Variants in AS3MT observed in about 807,000 individuals in gnomAD.
AS3MT encodes the protein S-adenosyl-L-methionine:arsenic(III) methyltransferase.
Under a neutral mutation model 45.3 loss-of-function variants are expected in AS3MT, and 47 were observed. The observed-to-expected ratio is 1.04, with a 90% CI of 0.82 to 1.32. The LOEUF (loss-of-function observed/expected upper bound fraction) is 1.32. Among genes scored for constraint, AS3MT ranks in the 40% most tolerant of loss-of-function variants. AS3MT has a pLI of 0.00. For missense variants in AS3MT, 396 were observed against 451.1 expected (o/e 0.88, Z 1.11); for synonymous variants, 141 against 152.8 (o/e 0.92, Z 0.57).
In AS3MT at chr10:102,885,155, G is replaced by A. The variant is rs139327758; in HGVS notation, c.886-5389G>A. ...CTTCATCCTCCCCACTCTACCTGGCGTCTGGTAACCACCAATCTACTCTCT... is the reference window on the plus strand; with the variant it reads ...CTTCATCCTCCCCACTCTACCTGGCATCTGGTAACCACCAATCTACTCTCT... On this transcript the variant is annotated intron_variant, in intron 9 of 10. Transcript: ENST00000369880. 5.4e-3 allele frequency among the ~76,000 whole-genome samples: 818 copies of A among 152,010 alleles called. 17 individuals carry two copies. The highest frequency in any genetic ancestry group is 8.7e-3 in the East Asian group (45 of 5,170).
intron 9 of AS3MT, among the ~76,000 whole-genome samples, chr10:102,886,502 T>C (rs1421690926): frequency 6.6e-6 from 1 of 152,020 alleles, no homozygotes; most frequent in East Asian, 1.9e-4. Context: ...TTTTTTTGTA[T>C]TTTTAGTAGA....
At chr10:102,873,323 C>T (rs1421281390) in intron 5 of AS3MT, 90 bp downstream of exon 5, 2 of 1,078,082 alleles carry the variant, frequency 1.9e-6, no homozygotes, top group East Asian at 3.2e-5. Context: ...CTCTGTCACC[C>T]AGGCCAGAGT....
At chr10:102,889,626 T>TCCTTCCTTCCTC (rs1845028823) in intron 9 of AS3MT, among the ~76,000 whole-genome samples, 1 of 105,758 alleles carries the variant, frequency 9.5e-6, no homozygotes, top group Non-Finnish European at 2.1e-5. Context: ...CTTCCTTCCT[T>TCCTTCCTTCCTC]CCTTCCTTCC....
intron 9 of AS3MT, among the ~76,000 whole-genome samples, chr10:102,879,630 G>T (rs187598077): frequency 1.3e-5 from 2 of 151,738 alleles, no homozygotes; most frequent in Non-Finnish European, 2.9e-5. Flanking sequence ...TTAGCCGGGC[G>T]TGGTGGTGGG....
At chr10:102,899,928 A>C (rs1428104767) in intron 10 of AS3MT, among the ~76,000 whole-genome samples, 1 of 152,060 alleles carries the variant, frequency 6.6e-6, no homozygotes, top group Non-Finnish European at 1.5e-5. Flanking sequence ...CGGCCTCTCA[A>C]AGTGCTGGGA....
At chr10:102,897,448 A>G (rs1845195322) in intron 10 of AS3MT, among the ~76,000 whole-genome samples, 1 of 150,504 alleles carries the variant, frequency 6.6e-6, no homozygotes, top group African/African-American at 2.4e-5. Flanking sequence ...TCCTCGAGCT[A>G]CAGTATTTTC....
rs1459549351 is a variant in AS3MT at position 102,894,422 on chromosome 10, CAAAAAATAAA to C, written c.1020+3759_1020+3768del. 4.5e-5 allele frequency among the ~76,000 whole-genome samples: 6 copies of C among 134,566 alleles called. No homozygotes were observed. In the Admixed American group the frequency reaches 4.5e-4, roughly 10 times the overall value. 88.3% of individuals were successfully genotyped at this position (134,566 alleles called of 152,430 possible). On this transcript the variant is annotated intron_variant, in intron 10 of 10. Coordinates refer to ENST00000369880, the MANE Select transcript of AS3MT (RefSeq NM_020682.4). Reference sequence around the variant, plus strand: ...TGGGCGACAGAGCGAGACTCCATCTCAAAAAATAAAAAAAAATAAAAAAATAAAAAAATAA... The same window carrying C: ...TGGGCGACAGAGCGAGACTCCATCTCAAAAAATAAAAAAATAAAAAAATAA...
Position 102,870,192 on chromosome 10 carries a change from C to A in AS3MT, c.151C>A (p.His51Asn), listed in dbSNP as rs527650795. 6.2e-7 allele frequency: 1 copy of A among 1,614,188 alleles called. No homozygotes were observed. The highest frequency in any genetic ancestry group is 1.1e-5 in the South Asian group (1 of 91,086). ...CATCCGGGAAGCCTTGCAAAATGTACACGAAGAAGTAGCCCTAAGGTAGAG... is the reference window on the plus strand; with the variant it reads ...CATCCGGGAAGCCTTGCAAAATGTAAACGAAGAAGTAGCCCTAAGGTAGAG... ...KHIREALQNVHEEVALRYYGC... is the reference protein window; with the variant it reads ...KHIREALQNVNEEVALRYYGC... Residue 51 changes from histidine to asparagine, a missense_variant, in exon 3 of 11, where the codon CAC (histidine) becomes AAC (asparagine). Coordinates refer to ENST00000369880, the MANE Select transcript of AS3MT (RefSeq NM_020682.4).
At chr10:102,892,861 T>A (rs981620598) in intron 10 of AS3MT, among the ~76,000 whole-genome samples, 1 of 151,902 alleles carries the variant, frequency 6.6e-6, no homozygotes, top group African/African-American at 2.4e-5. Flanking sequence ...GCGCCTGTAG[T>A]CCCAGCTACT....
chr10:102,872,731 T>C (rs1844713818), intron 4 of AS3MT, 133 bp downstream of exon 4: 6 of 971,550 alleles, frequency 6.2e-6, no homozygotes, highest in African/African-American at 1.6e-5. Flanking sequence ...TTTGTGCCAC[T>C]AGTGCTTCCT....
chr10:102,872,475 T>C lies in AS3MT; in HGVS notation c.198T>C (p.Pro66=). The C allele has an allele frequency of 6.2e-7, 1 of 1,614,128 alleles. No individual in the cohort carries two copies. Among genetic ancestry groups the C allele is most frequent in the South Asian group, 1.1e-5 (1 of 91,064 alleles). The change falls in exon 4 of 11, where the codon CCT becomes CCC. Residue 66 remains proline (P), a synonymous_variant. Coordinates refer to ENST00000369880, the MANE Select transcript of AS3MT (RefSeq NM_020682.4). ...LRYYGCGLVI[P]EHLENCWILD... Reference sequence around the variant, plus strand: ...ATTATGGCTGTGGTCTGGTGATCCCTGAGCATCTAGAAAACTGCTGGATTT... The same window carrying C: ...ATTATGGCTGTGGTCTGGTGATCCCCGAGCATCTAGAAAACTGCTGGATTT...
At chr10:102,870,721 A>G (rs1279411845) in intron 3 of AS3MT, among the ~76,000 whole-genome samples, 1 of 151,946 alleles carries the variant, frequency 6.6e-6, no homozygotes, top group Non-Finnish European at 1.5e-5. Context: ...TCCTCACTCC[A>G]TCAGCACTGC....
chr10:102,869,925 G>A, intron 2 of AS3MT, 80 bp downstream of exon 2: 1 of 1,590,090 alleles, frequency 6.3e-7, no homozygotes, highest in Non-Finnish European at 8.6e-7. Flanking sequence ...CCTGTCCCCC[G>A]GGACTCCTGG....
In AS3MT at chr10:102,874,613, T is replaced by C. The variant is rs1473434566; in HGVS notation, c.480T>C (p.Leu160=). ...TTAGATCAAACTGTGTTATTAACCT[T>C]GTGCCTGATAAACAACAAGTGCTTC... is the stretch of plus-strand genomic sequence containing the variant. ...DIVVSNCVIN[L]VPDKQQVLQE... Residue 160 remains leucine (L), a synonymous_variant, in exon 6 of 11, where the codon CTT becomes CTC. Transcript: ENST00000369880. The C allele has an allele frequency of 1.9e-6, 3 of 1,608,810 alleles. No individual in the cohort carries two copies. The African/African-American group carries it at 4.0e-5, about 22-fold the overall frequency.
intron 9 of AS3MT, among the ~76,000 whole-genome samples, chr10:102,882,211 T>C (rs954051442): frequency 1.3e-5 from 2 of 151,770 alleles, no homozygotes; most frequent in African/African-American, 4.8e-5. Flanking sequence ...AGTGCTGGGA[T>C]TACAGGCGTG....
At chr10:102,874,953 C>A (rs1844758416) in intron 6 of AS3MT, among the ~76,000 whole-genome samples, 1 of 152,184 alleles carries the variant, frequency 6.6e-6, no homozygotes, top group African/African-American at 2.4e-5. Context: ...AGAAGAGCAT[C>A]TGTGGAGCTA....
intron 6 of AS3MT, 34 bp from the exon 7 acceptor site, chr10:102,876,920 T>G: frequency 6.3e-7 from 1 of 1,592,000 alleles, no homozygotes; most frequent in Non-Finnish European, 8.6e-7. Flanking sequence ...TAATCATTAA[T>G]CATCTTGTTT....
At chr10:102,869,939 C>A in intron 2 of AS3MT, 94 bp downstream of exon 2, 1 of 1,575,142 alleles carries the variant, frequency 6.3e-7, no homozygotes, top group South Asian at 1.1e-5. Context: ...CTCCTGGAGT[C>A]GGGGTAGGGC....
chr10:102,893,473 C>A (rs1386701829), intron 10 of AS3MT, among the ~76,000 whole-genome samples: 1 of 151,386 alleles, frequency 6.6e-6, no homozygotes, highest in Non-Finnish European at 1.5e-5. Context: ...CATGTGCCAC[C>A]ATGCCTGGCT....
Sources: allele counts gnomAD v4.1 joint callset (sites outside exome capture counted in the v4.1 genomes callset), GRCh38; gene constraint gnomAD v4.1.1; transcripts MANE v1.5; gene names NCBI Gene and HGNC (gene_info 2026-07-23, HGNC 2026-07-21).